Variants in ANTXR1 observed in about 807,000 individuals in gnomAD.
The protein encoded by ANTXR1 is ANTXR cell adhesion molecule 1.
In ANTXR1, 19 loss-of-function variants were observed where a neutral mutation model predicts 78.1. The observed-to-expected ratio is 0.24, with a 90% CI of 0.17 to 0.36. ANTXR1 has a LOEUF of 0.36. ANTXR1 is among the 10% of genes least tolerant of loss of function. The pLI, the probability that ANTXR1 is intolerant of heterozygous loss-of-function variation, is 1.00. For synonymous variants in ANTXR1, 273 were observed against 260.5 expected, an observed-to-expected ratio of 1.05 and a Z score of -0.46; for missense variants, 518 against 718.6, an observed-to-expected ratio of 0.72 and a Z score of 3.19.
chr2:69,030,971 C>T (rs928852944), intron 1 of ANTXR1, among the ~76,000 whole-genome samples: 2 of 152,132 alleles, frequency 1.3e-5, no homozygotes, highest in Non-Finnish European at 2.9e-5. Flanking sequence ...TGGCCTGCAG[C>T]CTGTTTTTGT....
chr2:69,066,288 TTTTC>T (rs1670396858), intron 3 of ANTXR1, among the ~76,000 whole-genome samples: 1 of 152,086 alleles, frequency 6.6e-6, no homozygotes, highest in South Asian at 2.1e-4. Context: ...TTTTATTTTT[TTTTC>T]TTTCTTTTAT....
chr2:69,080,974 T>C (rs1481547131), intron 8 of ANTXR1, among the ~76,000 whole-genome samples: 1 of 152,138 alleles, frequency 6.6e-6, no homozygotes, highest in Admixed American at 6.5e-5. Flanking sequence ...AGTCTGACAA[T>C]AGAGCAATCA....
intron 17 of ANTXR1, among the ~76,000 whole-genome samples, chr2:69,244,735 A>C (rs892598754): frequency 6.6e-6 from 1 of 152,240 alleles, no homozygotes; most frequent in African/African-American, 2.4e-5. Flanking sequence ...TGTTTATGAA[A>C]TATGAGGATC....
At chr2:69,039,826 C>T (rs1256663390) in intron 1 of ANTXR1, among the ~76,000 whole-genome samples, 1 of 151,378 alleles carries the variant, frequency 6.6e-6, no homozygotes, top group East Asian at 1.9e-4. Context: ...GGGGTGGGGG[C>T]AGTGCGAGAT....
chr2:69,085,949 A>G (rs919187165), intron 8 of ANTXR1, among the ~76,000 whole-genome samples: 22 of 152,244 alleles, frequency 1.4e-4, no homozygotes, highest in African/African-American at 4.6e-4. Context: ...CCTTGACACC[A>G]GCATACTTCA....
chr2:69,169,170 C>T (rs1381187550), intron 13 of ANTXR1, among the ~76,000 whole-genome samples: 1 of 152,216 alleles, frequency 6.6e-6, no homozygotes, highest in Non-Finnish European at 1.5e-5. Flanking sequence ...CCCGGCTCCC[C>T]GACTGGAGGA....
chr2:69,030,904 T>G (rs67834026), intron 1 of ANTXR1, among the ~76,000 whole-genome samples: 13,105 of 152,042 alleles, frequency 0.086, 589 homozygotes, highest in Admixed American at 0.14. Flanking sequence ...ATACAGAAAT[T>G]TAGAAAAAAA....
At chr2:69,243,673 C>G (rs1343403024) in intron 17 of ANTXR1, among the ~76,000 whole-genome samples, 1 of 152,136 alleles carries the variant, frequency 6.6e-6, no homozygotes, top group South Asian at 2.1e-4. Context: ...CCACACCTCA[C>G]CCTCTTCATT....
intron 12 of ANTXR1, among the ~76,000 whole-genome samples, chr2:69,137,483 G>C (rs538237268): frequency 1.3e-5 from 2 of 152,098 alleles, no homozygotes; most frequent in Non-Finnish European, 2.9e-5. Context: ...CTTTTGGGTT[G>C]AGCACCCTGG....
In ANTXR1 at chr2:69,247,248, C is replaced by T. The variant is rs183704257; in HGVS notation, c.*1763C>T. ...AATGAACCCTACTTGCTATCTCTAT[C>T]TTAGAAAGCAAAAACAAACAGGAGT... On this transcript the variant is annotated 3_prime_UTR_variant, in exon 18 of 18. Transcript: ENST00000303714. 1.7e-3 allele frequency: 259 copies of T among 153,066 alleles called. No individual in the cohort carries two copies. Among genetic ancestry groups the T allele is most frequent in the Admixed American group, 2.9e-3 (44 of 15,286 alleles). 9.5% of individuals were successfully genotyped at this position (153,066 alleles called of 1,614,324 possible). A position where few individuals can be genotyped will look rare whatever the true frequency, so the allele number is the denominator to read the frequency against.
intron 13 of ANTXR1, among the ~76,000 whole-genome samples, chr2:69,154,756 G>A (rs369662499): frequency 4.6e-5 from 7 of 152,160 alleles, no homozygotes; most frequent in South Asian, 4.1e-4. Flanking sequence ...CGTGTCTGCC[G>A]TGTGCCTTCT....
At chr2:69,064,282 T>G (rs574838436) in intron 3 of ANTXR1, among the ~76,000 whole-genome samples, 2 of 152,306 alleles carry the variant, frequency 1.3e-5, no homozygotes, top group Admixed American at 6.5e-5. Flanking sequence ...CAGCTGGGGA[T>G]TAGGCTCAGC....
intron 3 of ANTXR1, among the ~76,000 whole-genome samples, chr2:69,045,313 G>T (rs898887314): frequency 2.0e-5 from 3 of 152,140 alleles, no homozygotes; most frequent in African/African-American, 7.2e-5. Flanking sequence ...GAATGTTGTT[G>T]ATACAAAGAA....
At chr2:69,066,898 A>G (rs1446240572) in intron 3 of ANTXR1, among the ~76,000 whole-genome samples, 3 of 152,218 alleles carry the variant, frequency 2.0e-5, no homozygotes, top group Admixed American at 2.0e-4. Context: ...GCCTCTCTTC[A>G]TAGGATTCCC....
rs1310331676 is a variant in ANTXR1 at position 69,084,026 on chromosome 2, C to T, written c.642+6538C>T. Among the ~76,000 whole-genome samples the T allele has an allele frequency of 3.3e-5, 5 of 152,204 alleles. No homozygotes were observed. In the East Asian group the frequency reaches 5.8e-4, roughly 18 times the overall value. ...TGAACAAGAATTCCCAGAGCTTGAACAGGCTACAAAGATTGCAGAGGGGCA... is the reference window on the plus strand; with the variant it reads ...TGAACAAGAATTCCCAGAGCTTGAATAGGCTACAAAGATTGCAGAGGGGCA... On this transcript the variant is annotated intron_variant, in intron 8 of 17. Coordinates refer to ENST00000303714, the MANE Select transcript of ANTXR1 (RefSeq NM_032208.3).
intron 2 of ANTXR1, among the ~76,000 whole-genome samples, 167 bp from the exon 3 acceptor site, chr2:69,044,575 C>T (rs950467339): frequency 6.6e-6 from 1 of 152,174 alleles, no homozygotes; most frequent in African/African-American, 2.4e-5. Context: ...TTCAAGTCCA[C>T]TGCTGGCTAA....
chr2:69,179,070 C>T (rs1674206956), intron 14 of ANTXR1, among the ~76,000 whole-genome samples: 1 of 152,170 alleles, frequency 6.6e-6, no homozygotes, highest in South Asian at 2.1e-4. Context: ...GTGTTCACAG[C>T]CACTTACACA....
intron 8 of ANTXR1, among the ~76,000 whole-genome samples, chr2:69,084,699 G>A (rs2104261281): frequency 1.3e-5 from 2 of 149,374 alleles, no homozygotes; most frequent in East Asian, 4.0e-4. Flanking sequence ...CCAAAATGCT[G>A]GACTTACAGG....
intron 11 of ANTXR1, among the ~76,000 whole-genome samples, chr2:69,124,106 A>G (rs1672448387): frequency 6.6e-6 from 1 of 152,184 alleles, no homozygotes; most frequent in South Asian, 2.1e-4. Context: ...TACTTCTGTG[A>G]GTCTGTTGAA....
Sources: gnomAD v4.1 joint callset for allele counts (sites outside exome capture counted in the v4.1 genomes callset) on GRCh38, gnomAD v4.1.1 for gene constraint, MANE v1.5 for transcripts, NCBI Gene and HGNC (gene_info 2026-07-23, HGNC 2026-07-21) for gene names.